Variants in ADAMTS19 observed in about 807,000 individuals in gnomAD.
The protein encoded by ADAMTS19 is A disintegrin and metalloproteinase with thrombospondin motifs 19.
A neutral mutation model predicts 153.3 loss-of-function variants in ADAMTS19; 93 were observed. The observed-to-expected ratio is 0.61, with a 90% CI of 0.51 to 0.72. ADAMTS19 has a LOEUF of 0.72. Ranked by LOEUF, ADAMTS19 falls within the 30% of genes least tolerant of loss-of-function variation. The pLI, the probability that ADAMTS19 is intolerant of heterozygous loss-of-function variation, is 0.00. For synonymous variants in ADAMTS19, 600 were observed against 556.6 expected, an observed-to-expected ratio of 1.08 and a Z score of -1.10; for missense variants, 1,482 against 1,552.1, an observed-to-expected ratio of 0.95 and a Z score of 0.76.
intron 3 of ADAMTS19, among the ~76,000 whole-genome samples, chr5:129,517,193 A>G (rs754926708): frequency 6.6e-6 from 1 of 151,814 alleles, no homozygotes; most frequent in Non-Finnish European, 1.5e-5. Context: ...TGCTTGTTTT[A>G]TGATGTAGCA....
At chr5:129,629,870 G>T (rs1752211840) in intron 10 of ADAMTS19, among the ~76,000 whole-genome samples, 1 of 151,938 alleles carries the variant, frequency 6.6e-6, no homozygotes, top group Non-Finnish European at 1.5e-5. Context: ...AAAATACAGA[G>T]GTATGGAAGG....
Position 129,737,311 on chromosome 5 carries a change from T to A in ADAMTS19, c.*93T>A. On this transcript the variant is annotated 3_prime_UTR_variant, in exon 23 of 23. Transcript: ENST00000274487. ...GTTTTTCAGACCAAATATTATCAGA[T>A]TACATATAATTTAATCAAATTAATT... 1 of 1,206,024 alleles carries A rather than the reference T, an allele frequency of 8.3e-7. No individual in the cohort carries two copies. Among genetic ancestry groups the A allele is most frequent in the Non-Finnish European group, 1.1e-6 (1 of 923,138 alleles). The allele number at this position is 1,206,024 out of a possible 1,614,324, so 74.7% of individuals were successfully genotyped here. A position where few individuals can be genotyped will look rare whatever the true frequency, so the allele number is the denominator to read the frequency against.
chr5:129,486,743 G>A (rs1160091557), intron 2 of ADAMTS19, among the ~76,000 whole-genome samples: 1 of 151,400 alleles, frequency 6.6e-6, no homozygotes, highest in Non-Finnish European at 1.5e-5. Context: ...ACAACAATAA[G>A]CAAAATAAAT....
chr5:129,522,972 C>T (rs1398420482), intron 3 of ADAMTS19, among the ~76,000 whole-genome samples: 3 of 150,874 alleles, frequency 2.0e-5, no homozygotes, highest in Admixed American at 6.6e-5. Flanking sequence ...AGGAGAATCA[C>T]GAGAACCCAG....
At chr5:129,496,899 C>G (rs146093137) in intron 2 of ADAMTS19, among the ~76,000 whole-genome samples, 19 of 152,048 alleles carry the variant, frequency 1.2e-4, no homozygotes, top group African/African-American at 4.1e-4. Flanking sequence ...GATTTAAATT[C>G]TTCTCTTAAC....
chr5:129,620,724 C>T lies in ADAMTS19; in HGVS notation c.1585C>T (p.Arg529Ter), dbSNP rs370212801. The change falls in exon 9 of 23, where the codon CGA (arginine) becomes TGA (stop). Residue 529 changes from arginine (R) to a stop codon, truncating the protein, a stop_gained. Transcript: ENST00000274487. LOFTEE classifies it high-confidence loss of function. Reference sequence around the variant, plus strand: ...GAATCTTGGTGACGTTTCATGGTCTCGATGTAGCAAGGAAGATTTGGAAAG... The same window carrying T: ...GAATCTTGGTGACGTTTCATGGTCTTGATGTAGCAAGGAAGATTTGGAAAG... ...GQNLGDVSWS[R>*]CSKEDLERFL... 3.1e-6 allele frequency: 5 copies of T among 1,612,588 alleles called. No homozygotes were observed. Among genetic ancestry groups the T allele is most frequent in the Non-Finnish European group, 4.2e-6 (5 of 1,179,152 alleles).
rs1212857566 is a variant in ADAMTS19, at chr5:129,658,351, A to AAGAGAGAGAGAGAGAGAGAG, written c.2305-263_2305-262insGAGAGAGAGAGAGAGAGAGA. 1.7e-3 allele frequency among the ~76,000 whole-genome samples: 227 copies of AAGAGAGAGAGAGAGAGAGAG among 133,184 alleles called. 8 individuals are homozygous for AAGAGAGAGAGAGAGAGAGAG. The highest frequency in any genetic ancestry group is 4.3e-3 in the African/African-American group (137 of 31,586). The allele number at this position is 133,184 out of a possible 152,430, so 87.4% of individuals were successfully genotyped here. On this transcript the variant is annotated intron_variant, in intron 14 of 22. Transcript: ENST00000274487. ...AAAGAAAGAAAGAAAGAAAGAAAGAAAGAAAGAAAGAAAGAAAGAGAGAGA... is the reference window on the plus strand; with the variant it reads ...AAAGAAAGAAAGAAAGAAAGAAAGAAAGAGAGAGAGAGAGAGAGAGAGAAAGAAAGAAAGAAAGAGAGAGA...
intron 10 of ADAMTS19, among the ~76,000 whole-genome samples, chr5:129,634,024 C>A (rs927257435): frequency 1.4e-4 from 21 of 152,090 alleles, no homozygotes; most frequent in African/African-American, 5.1e-4. Context: ...TTTCTGTCTT[C>A]GTGAGTCTAT....
At chr5:129,619,709 CTT>C (rs1561607201) in intron 8 of ADAMTS19, among the ~76,000 whole-genome samples, 1 of 151,794 alleles carries the variant, frequency 6.6e-6, no homozygotes, top group East Asian at 1.9e-4. Flanking sequence ...AAATTCAAGA[CTT>C]TGTATATACT....
At chr5:129,464,354 T>C (rs1229097114) in intron 2 of ADAMTS19, among the ~76,000 whole-genome samples, 1 of 152,196 alleles carries the variant, frequency 6.6e-6, no homozygotes, top group Admixed American at 6.5e-5. Flanking sequence ...TGCCTTTATA[T>C]AGAGATGGTG....
rs566420955 is a variant in ADAMTS19, at chr5:129,651,359, T to C, written c.2176+2389T>C. Reference sequence around the variant, plus strand: ...ATTTGATCCTCTTTAGTGTGTCCCATATCATTGAAGGTAACACTTGCTTTT... The same window carrying C: ...ATTTGATCCTCTTTAGTGTGTCCCACATCATTGAAGGTAACACTTGCTTTT... On this transcript the variant is annotated intron_variant, in intron 13 of 22. Transcript: ENST00000274487. Among the ~76,000 whole-genome samples, 4 of 152,266 alleles carry C rather than the reference T, an allele frequency of 2.6e-5. No homozygotes were observed. In the East Asian group the frequency reaches 7.7e-4, roughly 29 times the overall value.
intron 8 of ADAMTS19, among the ~76,000 whole-genome samples, chr5:129,601,786 G>A (rs977303200): frequency 6.6e-6 from 1 of 152,024 alleles, no homozygotes; most frequent in African/African-American, 2.4e-5. Context: ...TGATATCCAG[G>A]GATTTTACTG....
intron 14 of ADAMTS19, among the ~76,000 whole-genome samples, chr5:129,655,394 T>C (rs1753503079): frequency 6.6e-6 from 1 of 152,180 alleles, no homozygotes; most frequent in Non-Finnish European, 1.5e-5. Flanking sequence ...CTGATAAACC[T>C]TCCAGAAGCA....
At chr5:129,536,342 C>T (rs1752425561) in intron 6 of ADAMTS19, among the ~76,000 whole-genome samples, 1 of 152,122 alleles carries the variant, frequency 6.6e-6, no homozygotes, top group African/African-American at 2.4e-5. Context: ...CAGAAAAATG[C>T]AAATCAAAAC....
At chr5:129,718,048 A>G (rs1353221401) in intron 21 of ADAMTS19, among the ~76,000 whole-genome samples, 1 of 152,198 alleles carries the variant, frequency 6.6e-6, no homozygotes, top group Non-Finnish European at 1.5e-5. Flanking sequence ...TTTTCACTTT[A>G]GCAAACTGAT....
intron 7 of ADAMTS19, among the ~76,000 whole-genome samples, chr5:129,556,554 G>C (rs533105782): frequency 6.6e-6 from 1 of 152,100 alleles, no homozygotes; most frequent in Non-Finnish European, 1.5e-5. Flanking sequence ...AAAGAATTAA[G>C]GTAGTGGATG....
rs377504353 is a variant in ADAMTS19 at position 129,498,467 on chromosome 5, T to C, written c.748-10610T>C. Among the ~76,000 whole-genome samples, 112 of 152,220 alleles carry C rather than the reference T, an allele frequency of 7.4e-4. 1 individual carries two copies. The South Asian group carries it at 0.023, about 31-fold the overall frequency. On this transcript the variant is annotated intron_variant, in intron 2 of 22. Coordinates refer to ENST00000274487, the MANE Select transcript of ADAMTS19 (RefSeq NM_133638.6). ...AAAGCAATCCTGTTTCTTCTGGTAC[T>C]AAGTATTATAGCTATATTACTTATT...
chr5:129,518,076 A>G (rs1296858351), intron 3 of ADAMTS19, among the ~76,000 whole-genome samples: 1 of 152,122 alleles, frequency 6.6e-6, no homozygotes, highest in East Asian at 1.9e-4. Flanking sequence ...GAAATCCAAC[A>G]AAAACTCTCT....
chr5:129,683,847 A>T lies in ADAMTS19; in HGVS notation c.2665-273A>T, dbSNP rs927112835. ...GAAAGAAAATGATCTAGTATGTCTG[A>T]CCTCACTCAAATGAGCTTTTCTTAA... On this transcript the variant is annotated intron_variant, in intron 17 of 22. Transcript: ENST00000274487. Among the ~76,000 whole-genome samples the T allele has an allele frequency of 6.7e-5, 10 of 148,922 alleles. 1 individual carries two copies. In the Admixed American group the frequency reaches 6.8e-4, roughly 10 times the overall value.
Sources: gnomAD v4.1 joint callset for allele counts (sites outside exome capture counted in the v4.1 genomes callset) on GRCh38, gnomAD v4.1.1 for gene constraint, MANE v1.5 for transcripts, NCBI Gene and HGNC (gene_info 2026-07-23, HGNC 2026-07-21) for gene names.